Variants in UNC5A observed in about 807,000 individuals in gnomAD.
UNC5A encodes the protein netrin receptor UNC5A.
Under a neutral mutation model 87.4 loss-of-function variants are expected in UNC5A, and 20 were observed. The observed-to-expected ratio is 0.23, with a 90% CI of 0.16 to 0.33. UNC5A has a LOEUF of 0.33. Among genes scored for constraint, UNC5A ranks in the 10% least tolerant of loss-of-function variants. UNC5A has a pLI of 1.00. For missense variants in UNC5A, 844 were observed against 1,133.4 expected (o/e 0.74, Z 3.67); for synonymous variants, 438 against 482.3 (o/e 0.91, Z 1.20).
In UNC5A at chr5:176,824,122, G is replaced by A. The variant is rs1411033707; in HGVS notation, c.70+13302G>A. On this transcript the variant is annotated intron_variant, in intron 1 of 14. Transcript: ENST00000329542. The surrounding 1 kb of genome is among the most constrained non-coding windows in gnomAD (Gnocchi z 4.2). ...CAGGATCCTTGCCAGGGCTTCTCCCGCCTGGAGGCGGAGGTGCGGCCCCGA... is the reference window on the plus strand; with the variant it reads ...CAGGATCCTTGCCAGGGCTTCTCCCACCTGGAGGCGGAGGTGCGGCCCCGA... Among the ~76,000 whole-genome samples the A allele has an allele frequency of 1.3e-5, 2 of 152,236 alleles. No homozygotes were observed. The highest frequency in any genetic ancestry group is 4.8e-5 in the African/African-American group (2 of 41,450).
chr5:176,869,573 C>T lies in UNC5A; in HGVS notation c.721+609C>T, dbSNP rs910575163. 2.4e-5 allele frequency: 16 copies of T among 678,996 alleles called. No individual in the cohort carries two copies. Among genetic ancestry groups the T allele is most frequent in the Middle Eastern group, 3.7e-4 (1 of 2,720 alleles). The allele number at this position is 678,996 out of a possible 1,614,324, so 42.1% of individuals were successfully genotyped here. A position where few individuals can be genotyped will look rare whatever the true frequency, so the allele number is the denominator to read the frequency against. ...TCCCCTGGGCCAGTGTATCTGAGGACGCCCCCGCTCCCTGACCCCAGTCCT... is the reference window on the plus strand; with the variant it reads ...TCCCCTGGGCCAGTGTATCTGAGGATGCCCCCGCTCCCTGACCCCAGTCCT... On this transcript the variant is annotated intron_variant, in intron 5 of 14. Transcript: ENST00000329542. This position sits in a 1 kb window ranked among gnomAD's most constrained non-coding sequence, Gnocchi z 9.1.
intron 1 of UNC5A, among the ~76,000 whole-genome samples, chr5:176,846,367 G>A (rs1199699692): frequency 6.6e-6 from 1 of 152,018 alleles, no homozygotes; most frequent in African/African-American, 2.4e-5. Context: ...GGTGGGTGGG[G>A]GGAGCTGAGT....
intron 1 of UNC5A, among the ~76,000 whole-genome samples, chr5:176,811,421 G>A (rs1756451037): frequency 6.6e-6 from 1 of 152,220 alleles, no homozygotes; most frequent in Non-Finnish European, 1.5e-5. Context: ...TCAAAGCGCC[G>A]CGGTCCCGGT....
chr5:176,853,012 G>C (rs1283601501), intron 1 of UNC5A, among the ~76,000 whole-genome samples: 3 of 152,250 alleles, frequency 2.0e-5, no homozygotes, highest in Admixed American at 6.5e-5. Context: ...GAGAGGAAGA[G>C]CTCCTTCACA....
At chr5:176,863,156 G>C (rs1397331563) in intron 2 of UNC5A, among the ~76,000 whole-genome samples, 1 of 152,262 alleles carries the variant, frequency 6.6e-6, no homozygotes, top group Non-Finnish European at 1.5e-5. Context: ...CGGAGCCCAA[G>C]TTCCCACAGA....
Position 176,878,418 on chromosome 5 carries a change from G to C in UNC5A, c.2019+25G>C, listed in dbSNP as rs376448640. On this transcript the variant is annotated intron_variant, in intron 12 of 14. Coordinates refer to ENST00000329542, the MANE Select transcript of UNC5A (RefSeq NM_133369.3). ...GGTGAGGGCCAGGGCCGTGGCCAGC[G>C]CACAAGAGGCCTGGAGCTTGGGCTC... 2.5e-6 allele frequency: 4 copies of C among 1,612,714 alleles called. No homozygotes were observed. In the South Asian group the frequency reaches 4.4e-5, roughly 18 times the overall value.
intron 1 of UNC5A, among the ~76,000 whole-genome samples, chr5:176,858,024 C>T (rs998835259): frequency 2.6e-5 from 4 of 152,198 alleles, no homozygotes; most frequent in Non-Finnish European, 4.4e-5. Context: ...AAGGTGTGTC[C>T]GCCCTGGCAG....
At chr5:176,862,301 G>A (rs531244453) in intron 1 of UNC5A, among the ~76,000 whole-genome samples, 29 of 152,294 alleles carry the variant, frequency 1.9e-4, no homozygotes, top group African/African-American at 6.7e-4. Flanking sequence ...CCCGGGCAGG[G>A]GCCTGCCTGG....
chr5:176,816,856 CG>C lies in UNC5A; in HGVS notation c.70+6038del, dbSNP rs1457010194. Among the ~76,000 whole-genome samples, 4 of 152,344 alleles carry C rather than the reference CG, an allele frequency of 2.6e-5. No homozygotes were observed. The East Asian group carries it at 5.8e-4, about 22-fold the overall frequency. On this transcript the variant is annotated intron_variant, in intron 1 of 14. Transcript: ENST00000329542. ...AGTCCTTGGCTGTCTTTGTGGAAGA[CG>C]GAGCGACTGGGGAGCCAGGAGGGAG...
intron 1 of UNC5A, among the ~76,000 whole-genome samples, chr5:176,827,056 G>T (rs1037916044): frequency 8.6e-5 from 13 of 151,714 alleles, no homozygotes; most frequent in African/African-American, 2.9e-4. Flanking sequence ...TGTCTATTAT[G>T]ATATTTCATG....
rs568437143 is a variant in UNC5A, at chr5:176,859,880, C to T, written c.71-2744C>T. Among the ~76,000 whole-genome samples the T allele has an allele frequency of 6.6e-5, 10 of 152,364 alleles. No individual in the cohort carries two copies. In the South Asian group the frequency reaches 8.3e-4, roughly 13 times the overall value. On this transcript the variant is annotated intron_variant, in intron 1 of 14. Coordinates refer to ENST00000329542, the MANE Select transcript of UNC5A (RefSeq NM_133369.3). ...CCTGGAGGGTGCCCCCTGGGTCCAC[C>T]GGATAAATGCCCCCCGGGGCCACTG...
At chr5:176,828,327 G>A (rs1212371979) in intron 1 of UNC5A, among the ~76,000 whole-genome samples, 1 of 152,108 alleles carries the variant, frequency 6.6e-6, no homozygotes, top group Non-Finnish European at 1.5e-5. Flanking sequence ...GCAGACCTGG[G>A]GGGCAGTGGG....
rs376976682 is a variant in UNC5A, at chr5:176,861,860, G to A, written c.71-764G>A. The stretch of plus-strand genomic sequence containing the variant: ...CCTGTTCAAAGGGCAGCTGGGGGTT[G>A]TGGGAGCTGAGGGTGACCCCCACCC... On this transcript the variant is annotated intron_variant, in intron 1 of 14. Transcript: ENST00000329542. 1.2e-4 allele frequency among the ~76,000 whole-genome samples: 19 copies of A among 152,336 alleles called. No homozygotes were observed. In the East Asian group the frequency reaches 3.3e-3, roughly 26 times the overall value.
chr5:176,843,527 A>C (rs996268727), intron 1 of UNC5A, among the ~76,000 whole-genome samples: 1 of 152,226 alleles, frequency 6.6e-6, no homozygotes, highest in Admixed American at 6.5e-5. Context: ...TGGTGGATAC[A>C]TTTGTCCAAA....
At chr5:176,834,204 C>T (rs1392658906) in intron 1 of UNC5A, among the ~76,000 whole-genome samples, 2 of 152,152 alleles carry the variant, frequency 1.3e-5, no homozygotes, top group African/African-American at 4.8e-5. Flanking sequence ...TAAATAATTA[C>T]ACACTGCCGG....
rs1211086099 is a variant in UNC5A, at chr5:176,862,786, A to G, written c.233A>G (p.Asn78Ser). ...VPATQIFFKC[N>S]GEWVRQVDHV... ...GCCACGCAGATCTTCTTCAAGTGCA[A>G]CGGGGAGTGGGTGCGCCAGGTGGAC... Residue 78 changes from asparagine to serine, a missense_variant, in exon 2 of 15, where the codon AAC becomes AGC. By Grantham distance (46) the Asn-to-Ser change is conservative (BLOSUM62 1). Transcript: ENST00000329542. 6 of 1,613,354 alleles carry G rather than the reference A, an allele frequency of 3.7e-6. No homozygotes were observed. The South Asian group carries it at 5.5e-5, about 15-fold the overall frequency.
At chr5:176,823,172 A>G (rs1270112973) in intron 1 of UNC5A, among the ~76,000 whole-genome samples, 1 of 71,536 alleles carries the variant, frequency 1.4e-5, no homozygotes, top group Non-Finnish European at 2.6e-5. Flanking sequence ...TGGATGCTGC[A>G]TGTGGGGGGG....
At chr5:176,870,737 C>T (rs116686439) in intron 6 of UNC5A, among the ~76,000 whole-genome samples, 12,337 of 151,954 alleles carry the variant, frequency 0.081, 566 homozygotes, top group Admixed American at 0.16. Context: ...CCTCCTGAGA[C>T]GGGCACAGAT....
In UNC5A at chr5:176,814,956, C is replaced by T. The variant is rs911300439; in HGVS notation, c.70+4136C>T. On this transcript the variant is annotated intron_variant, in intron 1 of 14. Transcript: ENST00000329542. ...TGCCATGCTCCAGGGAAGCTGGAAA[C>T]GGCCTCCTGTCCAGGGTGGGGACCA... Among the ~76,000 whole-genome samples, 7 of 152,296 alleles carry T rather than the reference C, an allele frequency of 4.6e-5. No individual in the cohort carries two copies. In the East Asian group the frequency reaches 1.2e-3, roughly 25 times the overall value.
Sources: gnomAD v4.1 joint callset for allele counts (sites outside exome capture counted in the v4.1 genomes callset) on GRCh38, gnomAD v4.1.1 for gene constraint, Gnocchi (gnomAD v3.1) non-coding constraint, MANE v1.5 for transcripts, NCBI Gene and HGNC (gene_info 2026-07-23, HGNC 2026-07-21) for gene names.